The following C1QTNF9 variants were observed in gnomAD, a reference collection of about 807,000 sequenced individuals.
C1QTNF9 encodes C1q and TNF related 9, also known as complement C1q and tumor necrosis factor-related protein 9A.
Under a neutral mutation model 10.1 loss-of-function variants are expected in C1QTNF9, and 6 were observed. That is an observed-to-expected ratio of 0.59 (90% CI 0.32 to 1.17). The LOEUF (loss-of-function observed/expected upper bound fraction) is 1.17. C1QTNF9 is among the 50% of genes most tolerant of loss of function. C1QTNF9 has a pLI of 0.04. For missense variants in C1QTNF9, 201 were observed against 418.8 expected (o/e 0.48, Z 4.54); for synonymous variants, 98 against 163.5 (o/e 0.60, Z 3.06).
intron 3 of C1QTNF9, among the ~76,000 whole-genome samples, chr13:24,319,507 C>G (rs1878167990): frequency 6.6e-6 from 1 of 152,116 alleles, no homozygotes; most frequent in Non-Finnish European, 1.5e-5. Flanking sequence ...TCACTGCACT[C>G]CAGCCTGGGT....
exon 1 of C1QTNF9, chr13:24,309,611 G>A (rs1243543187): frequency 6.6e-6 from 1 of 152,004 alleles, no homozygotes; most frequent in African/African-American, 2.4e-5. Context: ...CAGCCCTAGG[G>A]TCCAGGTAAG....
At chr13:24,317,865 G>A (rs1593535244) in intron 2 of C1QTNF9, among the ~76,000 whole-genome samples, 1 of 151,154 alleles carries the variant, frequency 6.6e-6, no homozygotes. Flanking sequence ...GGAGGGGAGG[G>A]GAGCGCAGGG....
At chr13:24,307,458 G>A (rs74040670), upstream of C1QTNF9, among the ~76,000 whole-genome samples, 2 of 152,360 alleles carry the variant, frequency 1.3e-5, no homozygotes, top group South Asian at 2.1e-4. Flanking sequence ...CGCCCTTTGC[G>A]GGTGGGTAGA....
At chr13:24,307,573 C>T (rs1877646235), upstream of C1QTNF9, among the ~76,000 whole-genome samples, 1 of 152,260 alleles carries the variant, frequency 6.6e-6, no homozygotes, top group South Asian at 2.1e-4. Context: ...CAAGTGGCTA[C>T]TGCCCACTTT....
intron 2 of C1QTNF9, among the ~76,000 whole-genome samples, chr13:24,317,315 T>G (rs1271365048): frequency 3.3e-5 from 5 of 152,092 alleles, no homozygotes; most frequent in African/African-American, 1.2e-4. Context: ...AGATTTTCAT[T>G]TTTTGTTATA....
upstream of C1QTNF9, among the ~76,000 whole-genome samples, chr13:24,308,616 C>T (rs1156731617): frequency 6.6e-6 from 1 of 152,190 alleles, no homozygotes; most frequent in African/African-American, 2.4e-5. Flanking sequence ...TGGGGCGAGC[C>T]CCGCACCCAC....
rs186546257 is a variant in C1QTNF9, at chr13:24,320,986, C to G, written c.230-10C>G. The G allele has an allele frequency of 6.3e-7, 1 of 1,581,646 alleles. No homozygotes were observed. Among genetic ancestry groups the G allele is most frequent in the East Asian group, 2.2e-5 (1 of 44,788 alleles). On this transcript the variant is annotated splice_polypyrimidine_tract_variant and intron_variant, in intron 3 of 3. Coordinates refer to ENST00000332018, the Ensembl canonical transcript of C1QTNF9. ...CAAGCTATCTCTTTATTTGCTCTTT[C>G]TCTATTTAGGAGCAGATGGAAAAGT... is the stretch of plus-strand genomic sequence containing the variant.
chr13:24,318,024 C>T (rs1458010826), intron 2 of C1QTNF9, among the ~76,000 whole-genome samples: 14 of 152,162 alleles, frequency 9.2e-5, no homozygotes, highest in Admixed American at 4.6e-4. Flanking sequence ...TGCAAGCCGG[C>T]CCAGCCTGCC....
intron 1 of C1QTNF9, among the ~76,000 whole-genome samples, chr13:24,312,385 T>C (rs779216437): frequency 1.3e-5 from 2 of 151,932 alleles, no homozygotes; most frequent in Non-Finnish European, 2.9e-5. Context: ...GAGTGGATGA[T>C]TGCAGGGAAA....
At chr13:24,319,476 C>T (rs547973353) in intron 3 of C1QTNF9, among the ~76,000 whole-genome samples, 1 of 152,212 alleles carries the variant, frequency 6.6e-6, no homozygotes, top group African/African-American at 2.4e-5. Flanking sequence ...GAGGTTGGGG[C>T]TGCCATGAGC....
chr13:24,321,177 G>A lies in C1QTNF9; in HGVS notation c.411G>A (p.Gly137=), dbSNP rs781366615. 4.2e-4 allele frequency: 587 copies of A among 1,399,290 alleles called. 13 individuals carry two copies. Among genetic ancestry groups the A allele is most frequent in the Admixed American group, 2.5e-4 (9 of 36,442 alleles). 86.7% of individuals were successfully genotyped at this position (1,399,290 alleles called of 1,614,324 possible). Residue 137 remains glycine, a synonymous_variant, in exon 4 of 4, where the codon GGG becomes GGA. Coordinates refer to ENST00000332018, the Ensembl canonical transcript of C1QTNF9. ...ACGTGGGTCCCACTGGTCCTGAGGG[G>A]CCAAGGGGCAACATTGGGCCTTTGG...
chr13:24,316,898 C>G (rs1593534629), intron 2 of C1QTNF9, among the ~76,000 whole-genome samples: 1 of 152,274 alleles, frequency 6.6e-6, no homozygotes, highest in East Asian at 1.9e-4. Flanking sequence ...AAGGCATATG[C>G]AGAATGATCC....
upstream of C1QTNF9, among the ~76,000 whole-genome samples, chr13:24,309,283 TTATATA>T (rs72150411): frequency 0.032 from 2,162 of 68,220 alleles, 309 homozygotes; most frequent in African/African-American, 0.1. Context: ...ACTTAAAGTA[TTATATA>T]TATATATATA....
chr13:24,320,924 A>T, intron 3 of C1QTNF9, 72 bp from the exon 4 acceptor site: 1 of 1,525,152 alleles, frequency 6.6e-7, no homozygotes, highest in Non-Finnish European at 8.9e-7. Context: ...GAGCTCAATT[A>T]TAGAAAAACC....
At chr13:24,315,805 T>G (rs1877998272) in intron 1 of C1QTNF9, 177 bp from the exon 2 acceptor site, 1 of 642,150 alleles carries the variant, frequency 1.6e-6, no homozygotes, top group East Asian at 2.7e-5. Context: ...CCAAGGACAG[T>G]GTCATTCTGG....
intron 3 of C1QTNF9, among the ~76,000 whole-genome samples, chr13:24,319,366 T>C (rs1173497102): frequency 3.9e-5 from 6 of 151,922 alleles, no homozygotes; most frequent in Non-Finnish European, 5.9e-5. Context: ...TAGTAAGACT[T>C]TGTCTATACA....
upstream of C1QTNF9, among the ~76,000 whole-genome samples, chr13:24,309,382 T>G (rs1877729010): frequency 1.3e-5 from 2 of 150,968 alleles, no homozygotes; most frequent in Admixed American, 6.6e-5. Context: ...TTCAAAAGGA[T>G]TTAACTTTTC....
At chr13:24,321,679 G>C (rs750243270) in exon 4 of C1QTNF9, 1 of 1,614,066 alleles carries the variant, frequency 6.2e-7, no homozygotes, top group Non-Finnish European at 8.5e-7. Context: ...GTGGCTGCAG[G>C]TGACAGGAGG....
At chr13:24,311,873 C>G (rs963199310) in intron 1 of C1QTNF9, among the ~76,000 whole-genome samples, 3 of 152,098 alleles carry the variant, frequency 2.0e-5, no homozygotes, top group Admixed American at 1.3e-4. Flanking sequence ...GCCATGCACA[C>G]CCCCCCACAG....
Sources: gnomAD v4.1 joint callset for allele counts (sites outside exome capture counted in the v4.1 genomes callset) on GRCh38, gnomAD v4.1.1 for gene constraint, MANE v1.5 for transcripts, NCBI Gene and HGNC (gene_info 2026-07-23, HGNC 2026-07-21) for gene names.